LRRC4C: variants seen among roughly 807,000 people sequenced by gnomAD.
The protein encoded by LRRC4C is leucine rich repeat containing 4C.
In LRRC4C, 5 loss-of-function variants were observed where a neutral mutation model predicts 33.6. The observed-to-expected ratio is 0.15, with a 90% CI of 0.08 to 0.31. The LOEUF is 0.31. Ranked by LOEUF, LRRC4C falls within the 10% of genes least tolerant of loss-of-function variation. The probability of loss-of-function intolerance (pLI) is 1.00; values close to 1 mark genes in which losing one functional copy is unlikely to be tolerated. For synonymous variants in LRRC4C, 329 were observed against 302.0 expected (o/e 1.09, Z -0.93); for missense variants, 560 against 796.7 (o/e 0.70, Z 3.58).
At chr11:41,149,361 G>A (rs1943881345) in intron 1 of LRRC4C, among the ~76,000 whole-genome samples, 1 of 151,944 alleles carries the variant, frequency 6.6e-6, no homozygotes, top group Admixed American at 6.6e-5. Flanking sequence ...CAAAAAATTA[G>A]CCGGGCGCAG....
intron 1 of LRRC4C, among the ~76,000 whole-genome samples, chr11:41,052,158 C>A (rs1278604185): frequency 2.0e-5 from 3 of 152,200 alleles, no homozygotes; most frequent in South Asian, 4.1e-4. Flanking sequence ...CCCTATGATT[C>A]ATACAATGAT....
chr11:40,435,867 A>G (rs906207690), intron 3 of LRRC4C, among the ~76,000 whole-genome samples: 1 of 152,140 alleles, frequency 6.6e-6, no homozygotes, highest in African/African-American at 2.4e-5. Flanking sequence ...ACATCCATGA[A>G]TATTTGGCTT....
intron 3 of LRRC4C, among the ~76,000 whole-genome samples, chr11:40,385,465 C>T (rs1249871265): frequency 2.0e-5 from 3 of 151,940 alleles, no homozygotes; most frequent in Non-Finnish European, 4.4e-5. Context: ...CACATGTTCT[C>T]ACTTATAAAT....
At chr11:41,109,796 T>C (rs997774492) in intron 1 of LRRC4C, among the ~76,000 whole-genome samples, 5 of 152,102 alleles carry the variant, frequency 3.3e-5, no homozygotes, top group Admixed American at 2.0e-4. Context: ...ATTCTTCTTC[T>C]AGACCTAACT....
intron 1 of LRRC4C, among the ~76,000 whole-genome samples, chr11:41,212,140 T>C (rs1946849820): frequency 6.6e-6 from 1 of 152,226 alleles, no homozygotes; most frequent in Admixed American, 6.5e-5. Flanking sequence ...AGAGACAATA[T>C]TGAAAGTTTG....
At position 41,089,383 on chromosome 11, in the gene LRRC4C, T is replaced by C. The variant is rs572886590; in HGVS notation, c.-495-155660A>G. Among the ~76,000 whole-genome samples, 43 of 152,142 alleles carry C rather than the reference T, an allele frequency of 2.8e-4. 1 individual carries two copies. In the South Asian group the frequency reaches 8.7e-3, roughly 31 times the overall value. Reference sequence around the variant, plus strand: ...CCAATTATTGTCATGGCACCAATGATGCTTTTAGAAAAATCCATCATTACT... The same window carrying C: ...CCAATTATTGTCATGGCACCAATGACGCTTTTAGAAAAATCCATCATTACT... On this transcript the variant is annotated intron_variant, in intron 1 of 6. Coordinates refer to ENST00000528697, the MANE Select transcript of LRRC4C (RefSeq NM_001258419.2).
intron 3 of LRRC4C, among the ~76,000 whole-genome samples, chr11:40,477,058 C>T: frequency 6.6e-6 from 1 of 152,112 alleles, no homozygotes. Context: ...CCAGAACTGT[C>T]TGATTTATCC....
intron 1 of LRRC4C, among the ~76,000 whole-genome samples, chr11:40,980,599 G>C (rs976120756): frequency 1.5e-4 from 23 of 152,250 alleles, no homozygotes; most frequent in South Asian, 6.2e-4. Flanking sequence ...TTAAAAAATG[G>C]ATGAAGACAG....
At chr11:40,570,975 T>A (rs1488307832) in intron 3 of LRRC4C, among the ~76,000 whole-genome samples, 1 of 152,162 alleles carries the variant, frequency 6.6e-6, no homozygotes, top group Admixed American at 6.6e-5. Flanking sequence ...TACTTTCTTT[T>A]GTTTAATGTT....
chr11:40,289,501 C>T (rs1379152031), intron 4 of LRRC4C, among the ~76,000 whole-genome samples: 1 of 152,160 alleles, frequency 6.6e-6, no homozygotes, highest in African/African-American at 2.4e-5. Context: ...GGCATAGGGT[C>T]CTCGGCAGAT....
chr11:40,331,222 G>A (rs1343137256), intron 3 of LRRC4C, among the ~76,000 whole-genome samples: 4 of 152,114 alleles, frequency 2.6e-5, no homozygotes, highest in Non-Finnish European at 5.9e-5. Context: ...CAGTATGGAG[G>A]TTTCTCCAAA....
chr11:40,649,852 G>T (rs545082337), intron 2 of LRRC4C, among the ~76,000 whole-genome samples: 5 of 152,242 alleles, frequency 3.3e-5, no homozygotes, highest in African/African-American at 1.2e-4. Context: ...CACAGCTCCA[G>T]CCAGTCCCTC....
At chr11:40,878,375 G>T (rs555188381) in intron 2 of LRRC4C, among the ~76,000 whole-genome samples, 1 of 152,116 alleles carries the variant, frequency 6.6e-6, no homozygotes, top group Non-Finnish European at 1.5e-5. Context: ...AAACTTCTCT[G>T]CTAATGTTGA....
intron 1 of LRRC4C, among the ~76,000 whole-genome samples, chr11:41,282,819 C>T (rs1949715022): frequency 6.6e-6 from 1 of 152,150 alleles, no homozygotes; most frequent in African/African-American, 2.4e-5. Context: ...GCAGAAACAG[C>T]TCAGCCCACC....
intron 3 of LRRC4C, among the ~76,000 whole-genome samples, chr11:40,470,281 C>A (rs1952863825): frequency 6.6e-6 from 1 of 152,166 alleles, no homozygotes; most frequent in African/African-American, 2.4e-5. Context: ...AGCAGACCTG[C>A]AGAAGAGGGG....
At chr11:40,545,359 T>C (rs1028241919) in intron 3 of LRRC4C, among the ~76,000 whole-genome samples, 1 of 152,032 alleles carries the variant, frequency 6.6e-6, no homozygotes, top group Non-Finnish European at 1.5e-5. Flanking sequence ...CAACTCTTCT[T>C]CCATTACTTT....
At chr11:41,060,339 C>T (rs1937662281) in intron 1 of LRRC4C, among the ~76,000 whole-genome samples, 1 of 152,170 alleles carries the variant, frequency 6.6e-6, no homozygotes, top group African/African-American at 2.4e-5. Flanking sequence ...TTGTATTAGT[C>T]TGCTTTGGCT....
chr11:40,273,924 A>G (rs527291459), intron 4 of LRRC4C, among the ~76,000 whole-genome samples: 1 of 152,176 alleles, frequency 6.6e-6, no homozygotes, highest in South Asian at 2.1e-4. Flanking sequence ...CAAGGTGAGG[A>G]TTTCAACCAA....
chr11:41,115,760 C>T (rs969685439), intron 1 of LRRC4C, among the ~76,000 whole-genome samples: 2 of 152,098 alleles, frequency 1.3e-5, no homozygotes, highest in Non-Finnish European at 2.9e-5. Flanking sequence ...CCGGATTGTG[C>T]ACTAACATTG....
Sources: allele counts gnomAD v4.1 joint callset (sites outside exome capture counted in the v4.1 genomes callset), GRCh38; gene constraint gnomAD v4.1.1; transcripts MANE v1.5; gene names NCBI Gene and HGNC (gene_info 2026-07-23, HGNC 2026-07-21).